Variants in TMTC2 observed in about 807,000 individuals in gnomAD.
TMTC2 encodes the protein protein O-mannosyl-transferase TMTC2.
In TMTC2, 43 loss-of-function variants were observed where a neutral mutation model predicts 82.4. The observed-to-expected ratio is 0.52, with a 90% CI of 0.41 to 0.67. The LOEUF is 0.67. Ranked by LOEUF, TMTC2 falls within the 30% of genes least tolerant of loss-of-function variation. TMTC2 has a pLI of 0.00. For missense variants in TMTC2, 919 were observed against 1,012.4 expected (o/e 0.91, Z 1.25); for synonymous variants, 408 against 381.9 (o/e 1.07, Z -0.80).
At chr12:83,046,470 C>T (rs1463699407) in intron 9 of TMTC2, among the ~76,000 whole-genome samples, 3 of 152,144 alleles carry the variant, frequency 2.0e-5, no homozygotes, top group Admixed American at 6.5e-5. Flanking sequence ...TTCTGTTGTG[C>T]TCTAAAGCTA....
rs370421760 is a variant in TMTC2, at chr12:83,095,215, ATGGTTTTTTTTTT to A, written c.2331+33387_2331+33399del. ...AGGGAAAGAGAAAAGCCAAAATTTC[ATGGTTTTTTTTTT>A]TGTTTTTTTTTTTGTTTTTTTTGTT... On this transcript the variant is annotated intron_variant, in intron 11 of 11. Coordinates refer to ENST00000321196, the MANE Select transcript of TMTC2 (RefSeq NM_152588.3). Among the ~76,000 whole-genome samples the A allele has an allele frequency of 4.9e-3, 715 of 144,470 alleles. 9 individuals are homozygous for A. Among genetic ancestry groups the A allele is most frequent in the African/African-American group, 0.018 (688 of 38,652 alleles). 94.8% of individuals were successfully genotyped at this position (144,470 alleles called of 152,430 possible). A position where few individuals can be genotyped will look rare whatever the true frequency, so the allele number is the denominator to read the frequency against.
At chr12:82,766,197 A>G (rs1049723550) in intron 1 of TMTC2, among the ~76,000 whole-genome samples, 3 of 152,222 alleles carry the variant, frequency 2.0e-5, no homozygotes, top group African/African-American at 4.8e-5. Flanking sequence ...AGGGCAGAGT[A>G]TGCTTCAAAT....
chr12:82,687,056 G>T lies in TMTC2; in HGVS notation c.-531G>T. 1 of 161,868 alleles carries T rather than the reference G, an allele frequency of 6.2e-6. No individual in the cohort carries two copies. The highest frequency in any genetic ancestry group is 1.5e-4 in the South Asian group (1 of 6,826). The allele number at this position is 161,868 out of a possible 1,614,324, so 10.0% of individuals were successfully genotyped here. ...CTGCCTTGGCGGCCGGAGTCCGCCC[G>T]AGCGACACCGGAGCAGTGCGCCCGG... is the stretch of plus-strand genomic sequence containing the variant. On this transcript the variant is annotated 5_prime_UTR_variant, in exon 1 of 12. An upstream open reading frame in the 5' UTR gains an earlier in-frame stop. Coordinates refer to ENST00000321196, the MANE Select transcript of TMTC2 (RefSeq NM_152588.3).
chr12:83,029,656 A>G (rs963684555), intron 8 of TMTC2, among the ~76,000 whole-genome samples: 3 of 152,114 alleles, frequency 2.0e-5, no homozygotes, highest in Non-Finnish European at 4.4e-5. Flanking sequence ...TAGTCACCAT[A>G]TATCTTCATC....
chr12:82,782,028 G>C (rs77366082), intron 1 of TMTC2, among the ~76,000 whole-genome samples: 2,248 of 152,118 alleles, frequency 0.015, 52 homozygotes, highest in African/African-American at 0.051. Context: ...CATCCGCAGA[G>C]AAAAGCCTCT....
intron 1 of TMTC2, among the ~76,000 whole-genome samples, chr12:82,694,988 C>T (rs1312089762): frequency 6.6e-6 from 1 of 152,068 alleles, no homozygotes; most frequent in African/African-American, 2.4e-5. Context: ...TTGACTGTAC[C>T]AGCCTAGGAA....
intron 3 of TMTC2, among the ~76,000 whole-genome samples, chr12:82,900,676 T>C (rs1177295345): frequency 7.0e-6 from 1 of 142,748 alleles, no homozygotes; most frequent in Non-Finnish European, 1.5e-5. Context: ...GGAATATATA[T>C]CTCTGGAATA....
intron 1 of TMTC2, among the ~76,000 whole-genome samples, chr12:82,693,903 G>A (rs1350541056): frequency 6.7e-6 from 1 of 149,522 alleles, no homozygotes; most frequent in Non-Finnish European, 1.5e-5. Flanking sequence ...GGAAGGCGGA[G>A]GATGCAGTGA....
At chr12:82,698,176 A>C (rs1872904849) in intron 1 of TMTC2, among the ~76,000 whole-genome samples, 1 of 152,194 alleles carries the variant, frequency 6.6e-6, no homozygotes, top group Non-Finnish European at 1.5e-5. Context: ...AACCTTTTTA[A>C]GGAACTTGTT....
chr12:82,834,803 A>G lies in TMTC2; in HGVS notation c.84-22207A>G, dbSNP rs73358269. On this transcript the variant is annotated intron_variant, in intron 1 of 11. Coordinates refer to ENST00000321196, the MANE Select transcript of TMTC2 (RefSeq NM_152588.3). The stretch of plus-strand genomic sequence containing the variant: ...ATAGTAATTTAATTCCACAAACACT[A>G]TGAGATGGTGAACTTGAGTTCTTCT... Among the ~76,000 whole-genome samples, 1,339 of 152,260 alleles carry G rather than the reference A, an allele frequency of 8.8e-3. 17 individuals are homozygous for G. The highest frequency in any genetic ancestry group is 0.031 in the African/African-American group (1,269 of 41,534).
At chr12:82,769,717 T>G (rs1374680483) in intron 1 of TMTC2, among the ~76,000 whole-genome samples, 1 of 152,224 alleles carries the variant, frequency 6.6e-6, no homozygotes, top group Non-Finnish European at 1.5e-5. Flanking sequence ...TTCATGTGAT[T>G]CTCCTACCTC....
intron 2 of TMTC2, among the ~76,000 whole-genome samples, chr12:82,861,140 G>A (rs1480531966): frequency 6.6e-6 from 1 of 152,218 alleles, no homozygotes; most frequent in Non-Finnish European, 1.5e-5. Context: ...GAAAACTGCA[G>A]TATACAAATG....
rs1420267496 is a variant in TMTC2 at position 82,687,378 on chromosome 12, C to T, written c.-209C>T. ...GGGGAGTGTGGTGTGAGCCCGCACC[C>T]GGGGAGGACGCAGGAGCTGCGGAGA... is the stretch of plus-strand genomic sequence containing the variant. On this transcript the variant is annotated 5_prime_UTR_variant, in exon 1 of 12. Transcript: ENST00000321196. The T allele has an allele frequency of 3.5e-6, 2 of 570,124 alleles. No homozygotes were observed. The highest frequency in any genetic ancestry group is 2.0e-5 in the South Asian group (1 of 49,960). The allele number at this position is 570,124 out of a possible 1,614,324, so 35.3% of individuals were successfully genotyped here.
chr12:82,903,111 G>A (rs1335970290), intron 3 of TMTC2, among the ~76,000 whole-genome samples: 1 of 152,058 alleles, frequency 6.6e-6, no homozygotes, highest in Non-Finnish European at 1.5e-5. Context: ...CCTGCAATGT[G>A]TTCTCCTGGT....
chr12:83,032,787 C>T (rs2137426320), intron 9 of TMTC2, among the ~76,000 whole-genome samples: 1 of 152,174 alleles, frequency 6.6e-6, no homozygotes, highest in South Asian at 2.1e-4. Context: ...TCTCAAACTC[C>T]TGACCTCAGG....
intron 1 of TMTC2, among the ~76,000 whole-genome samples, chr12:82,725,115 C>G (rs1016501183): frequency 1.3e-5 from 2 of 151,630 alleles, no homozygotes; most frequent in African/African-American, 4.9e-5. Context: ...CCTTTTTCAA[C>G]AGTGTTGATT....
intron 11 of TMTC2, among the ~76,000 whole-genome samples, chr12:83,063,225 G>A (rs1882804492): frequency 1.3e-5 from 2 of 151,240 alleles, no homozygotes; most frequent in Non-Finnish European, 3.0e-5. Flanking sequence ...TGTTAATGAG[G>A]GTCTTATTAC....
At chr12:82,798,659 T>C (rs888325145) in intron 1 of TMTC2, among the ~76,000 whole-genome samples, 52 of 150,458 alleles carry the variant, frequency 3.5e-4, no homozygotes, top group Non-Finnish European at 7.4e-5. Context: ...ATAGAAAAAT[T>C]AGCTGGGCGT....
At chr12:83,000,027 A>T (rs901451941) in intron 8 of TMTC2, among the ~76,000 whole-genome samples, 1 of 152,222 alleles carries the variant, frequency 6.6e-6, no homozygotes, top group Non-Finnish European at 1.5e-5. Flanking sequence ...GTTAATTCCT[A>T]GATAAAATGA....
Sources: allele counts gnomAD v4.1 joint callset (sites outside exome capture counted in the v4.1 genomes callset), GRCh38; gene constraint gnomAD v4.1.1; transcripts MANE v1.5; gene names NCBI Gene and HGNC (gene_info 2026-07-23, HGNC 2026-07-21).